The following ADAMTS17 variants were observed in gnomAD, a reference collection of about 807,000 sequenced individuals.
The protein encoded by ADAMTS17 is ADAM metallopeptidase with thrombospondin type 1 motif 17, also known as A disintegrin and metalloproteinase with thrombospondin motifs 17.
ADAMTS17 carries 113 observed loss-of-function variants against 141.5 expected under a neutral mutation model. The ratio of observed to expected loss-of-function variants is 0.80; its 90% confidence interval spans 0.69 to 0.93. The LOEUF (loss-of-function observed/expected upper bound fraction) is 0.93, where lower values mean the gene tolerates loss of function less well. Among genes scored for constraint, ADAMTS17 ranks in the 40% least tolerant of loss-of-function variants. The pLI, the probability that ADAMTS17 is intolerant of heterozygous loss-of-function variation, is 0.00. For synonymous variants in ADAMTS17, 768 were observed against 630.6 expected, an observed-to-expected ratio of 1.22 and a Z score of -3.27; for missense variants, 1,659 against 1,517.9, an observed-to-expected ratio of 1.09 and a Z score of -1.54.
At chr15:100,051,425 G>A (rs2032134127) in intron 17 of ADAMTS17, 147 bp downstream of exon 17, 3 of 1,193,600 alleles carry the variant, frequency 2.5e-6, no homozygotes, top group Admixed American at 1.7e-5. Context: ...CAAGTATTCT[G>A]CAGAGAGATT....
chr15:100,140,302 G>A (rs1163213046), intron 10 of ADAMTS17, among the ~76,000 whole-genome samples: 1 of 151,992 alleles, frequency 6.6e-6, no homozygotes, highest in Non-Finnish European at 1.5e-5. Flanking sequence ...GGCCGTGTAA[G>A]ATGTTAACAT....
intron 18 of ADAMTS17, among the ~76,000 whole-genome samples, chr15:100,036,085 G>A (rs926764730): frequency 6.6e-6 from 1 of 152,188 alleles, no homozygotes; most frequent in African/African-American, 2.4e-5. Flanking sequence ...TTTTCTATGA[G>A]GCTGCAAAGA....
chr15:100,320,572 C>T (rs76979880), intron 3 of ADAMTS17, among the ~76,000 whole-genome samples: 1 of 152,374 alleles, frequency 6.6e-6, no homozygotes, highest in East Asian at 1.9e-4. Context: ...ATGGCCCACA[C>T]CTGTAGTCCC....
intron 4 of ADAMTS17, among the ~76,000 whole-genome samples, chr15:100,263,581 T>G (rs940934328): frequency 2.0e-5 from 3 of 152,108 alleles, no homozygotes; most frequent in Admixed American, 6.5e-5. Context: ...GGAGTCAAAG[T>G]TGACATGGAT....
intron 15 of ADAMTS17, among the ~76,000 whole-genome samples, chr15:100,085,179 G>A (rs28832623): frequency 0.33 from 49,728 of 151,812 alleles, 10,446 homozygotes; most frequent in East Asian, 0.58. Context: ...CCATGGCACA[G>A]GAACTACGTG....
At chr15:100,123,079 A>C (rs1372427760) in intron 12 of ADAMTS17, among the ~76,000 whole-genome samples, 1 of 152,208 alleles carries the variant, frequency 6.6e-6, no homozygotes, top group Non-Finnish European at 1.5e-5. Context: ...GGAGGCCCCA[A>C]CTTTCCCAAG....
In ADAMTS17 at chr15:100,026,504, G is replaced by T. The variant is rs545961206; in HGVS notation, c.2591+22353C>A. Among the ~76,000 whole-genome samples the T allele has an allele frequency of 2.6e-5, 4 of 152,318 alleles. No homozygotes were observed. In the South Asian group the frequency reaches 8.3e-4, roughly 32 times the overall value. Reference sequence around the variant, plus strand: ...ACTGTAGTTCCAGGAAGGCCTCCGAGATTTCCAATTTATCTACTGTTGCTT... The same window carrying T: ...ACTGTAGTTCCAGGAAGGCCTCCGATATTTCCAATTTATCTACTGTTGCTT... On this transcript the variant is annotated intron_variant, in intron 18 of 21. Coordinates refer to ENST00000268070, the MANE Select transcript of ADAMTS17 (RefSeq NM_139057.4).
intron 10 of ADAMTS17, among the ~76,000 whole-genome samples, chr15:100,133,785 G>C (rs1360665489): frequency 6.6e-6 from 1 of 152,214 alleles, no homozygotes; most frequent in Admixed American, 6.5e-5. Context: ...ACCACTGTGA[G>C]GCCAAGAAAT....
At chr15:100,172,469 CCCTGGTCACCTGCCCCATCCTGACTCAT>C (rs954436273) in intron 8 of ADAMTS17, among the ~76,000 whole-genome samples, 1 of 152,132 alleles carries the variant, frequency 6.6e-6, no homozygotes, top group Admixed American at 6.5e-5. Flanking sequence ...ACATCTGTTC[CCCTGGTCACCTGCCCCATCCTGACTCAT>C]CCTGGTCACC....
At chr15:100,084,987 G>C (rs1038020838) in intron 15 of ADAMTS17, among the ~76,000 whole-genome samples, 7 of 152,196 alleles carry the variant, frequency 4.6e-5, no homozygotes, top group Non-Finnish European at 7.3e-5. Flanking sequence ...AACAAAGCTG[G>C]ATGGAGAATG....
At chr15:100,029,630 T>A (rs2029929186) in intron 18 of ADAMTS17, among the ~76,000 whole-genome samples, 1 of 152,178 alleles carries the variant, frequency 6.6e-6, no homozygotes, top group African/African-American at 2.4e-5. Flanking sequence ...CTCCCCTCAG[T>A]GGCCTGGGCT....
chr15:100,249,035 G>C (rs910698806), intron 7 of ADAMTS17, among the ~76,000 whole-genome samples: 1 of 152,044 alleles, frequency 6.6e-6, no homozygotes, highest in Non-Finnish European at 1.5e-5. Context: ...TTGACCTCAC[G>C]TGATCCGCCC....
rs559311954 is a variant in ADAMTS17, at chr15:100,144,489, G to A, written c.1473+8123C>T. 5.9e-5 allele frequency among the ~76,000 whole-genome samples: 9 copies of A among 152,030 alleles called. No homozygotes were observed. The South Asian group carries it at 1.0e-3, about 18-fold the overall frequency. ...CGCTTGAATCTGGGAGGCGGATATC[G>A]CAGTGAGCCGAGACTGTGCCACTGC... On this transcript the variant is annotated intron_variant, in intron 10 of 21. Coordinates refer to ENST00000268070, the MANE Select transcript of ADAMTS17 (RefSeq NM_139057.4).
At chr15:100,145,670 T>TTAATAAACA (rs2038867676) in intron 10 of ADAMTS17, among the ~76,000 whole-genome samples, 1 of 152,212 alleles carries the variant, frequency 6.6e-6, no homozygotes, top group African/African-American at 2.4e-5. Context: ...TATATGTTTA[T>TTAATAAACA]TAATAGAATG....
intron 20 of ADAMTS17, among the ~76,000 whole-genome samples, chr15:99,992,045 A>C (rs972817599): frequency 6.6e-6 from 1 of 152,182 alleles, no homozygotes; most frequent in African/African-American, 2.4e-5. Context: ...TAGGGGAAGC[A>C]GTACATTAGG....
chr15:100,165,570 C>A (rs956906599), intron 8 of ADAMTS17, among the ~76,000 whole-genome samples: 1 of 152,162 alleles, frequency 6.6e-6, no homozygotes, highest in African/African-American at 2.4e-5. Context: ...AGGCAAACGG[C>A]CTTATGACTT....
At chr15:100,290,298 C>A (rs2044586931) in intron 3 of ADAMTS17, among the ~76,000 whole-genome samples, 1 of 152,038 alleles carries the variant, frequency 6.6e-6, no homozygotes, top group Non-Finnish European at 1.5e-5. Context: ...TAAGGCTAAC[C>A]AAGGACACGC....
At chr15:100,109,540 A>G (rs1293838781) in intron 13 of ADAMTS17, among the ~76,000 whole-genome samples, 1 of 152,132 alleles carries the variant, frequency 6.6e-6, no homozygotes, top group Non-Finnish European at 1.5e-5. Context: ...AGCGGCCCCA[A>G]GGGTCACCAT....
At chr15:100,107,340 G>A (rs1002656577) in intron 14 of ADAMTS17, among the ~76,000 whole-genome samples, 10 of 152,314 alleles carry the variant, frequency 6.6e-5, no homozygotes, top group Admixed American at 5.9e-4. Context: ...GCTCACCACA[G>A]TTCTGTGAGG....
Sources: gnomAD v4.1 joint callset for allele counts (sites outside exome capture counted in the v4.1 genomes callset) on GRCh38, gnomAD v4.1.1 for gene constraint, MANE v1.5 for transcripts, NCBI Gene and HGNC (gene_info 2026-07-23, HGNC 2026-07-21) for gene names.